CCDC170: variants seen among roughly 807,000 people sequenced by gnomAD.
CCDC170 encodes the protein coiled-coil domain-containing protein 170.
Under a neutral mutation model 72.6 loss-of-function variants are expected in CCDC170, and 69 were observed. That is an observed-to-expected ratio of 0.95 (90% CI 0.78 to 1.16). The LOEUF (loss-of-function observed/expected upper bound fraction) is 1.16, where lower values mean the gene tolerates loss of function less well. CCDC170 is among the 50% of genes most tolerant of loss of function. The pLI, the probability that CCDC170 is intolerant of heterozygous loss-of-function variation, is 0.00. For synonymous variants in CCDC170, 300 were observed against 303.9 expected, an observed-to-expected ratio of 0.99 and a Z score of 0.13; for missense variants, 852 against 832.5, an observed-to-expected ratio of 1.02 and a Z score of -0.29.
intron 5 of CCDC170, among the ~76,000 whole-genome samples, chr6:151,558,327 A>G (rs1263057867): frequency 7.3e-6 from 1 of 136,304 alleles, no homozygotes; most frequent in Non-Finnish European, 1.5e-5. Context: ...GTTTGCAAAT[A>G]TTTTCTCCCA....
At chr6:151,494,879 G>A (rs1394939145) in intron 1 of CCDC170, among the ~76,000 whole-genome samples, 2 of 152,208 alleles carry the variant, frequency 1.3e-5, no homozygotes, top group East Asian at 3.8e-4. Context: ...GGCTCAGTCT[G>A]GGTTAAGAAT....
rs540552285 is a variant in CCDC170, at chr6:151,507,927, A to G, written c.57+13742A>G. ...AGAGTGAGCTCCATCTCAAAAAAAA[A>G]AAAGAAAGAAAGAAAAGAAAACATT... On this transcript the variant is annotated intron_variant, in intron 1 of 10. Coordinates refer to ENST00000239374, the MANE Select transcript of CCDC170 (RefSeq NM_025059.4). Among the ~76,000 whole-genome samples the G allele has an allele frequency of 3.6e-4, 54 of 152,084 alleles. No individual in the cohort carries two copies. The South Asian group carries it at 6.2e-3, about 18-fold the overall frequency.
intron 5 of CCDC170, among the ~76,000 whole-genome samples, chr6:151,551,353 G>C (rs1264718131): frequency 2.0e-5 from 3 of 152,166 alleles, no homozygotes; most frequent in Non-Finnish European, 4.4e-5. Context: ...TGCTGCATCT[G>C]AAAGTTAACT....
At position 151,538,133 on chromosome 6, in the gene CCDC170, C is replaced by G. The variant is rs1412009706; in HGVS notation, c.275C>G (p.Ala92Gly). Residue 92 changes from alanine to glycine, a missense_variant, in exon 3 of 11, where the codon GCC becomes GGC. Ala to Gly is a moderately conservative substitution (Grantham distance 60). Transcript: ENST00000239374. The part of the protein sequence containing the change: ...AEMESYKENN[A>G]RKSSLLTSLR... ...ATGGAGAGCTACAAGGAAAACAATG[C>G]CAGAAAATCATCTCTCCTTACCTCT... 2.5e-6 allele frequency: 4 copies of G among 1,613,624 alleles called. No individual in the cohort carries two copies.
chr6:151,524,441 C>A (rs1158217630), intron 1 of CCDC170, among the ~76,000 whole-genome samples: 4 of 152,304 alleles, frequency 2.6e-5, no homozygotes, highest in East Asian at 1.9e-4. Context: ...ATAAAGAATT[C>A]ATGAACATGG....
intron 6 of CCDC170, among the ~76,000 whole-genome samples, chr6:151,583,560 T>C (rs1025626338): frequency 3.9e-5 from 6 of 152,084 alleles, no homozygotes; most frequent in Admixed American, 3.9e-4. Context: ...CAGGTTCAGG[T>C]GATTCTCCTG....
At chr6:151,567,208 C>T (rs1205159561) in intron 5 of CCDC170, among the ~76,000 whole-genome samples, 3 of 152,118 alleles carry the variant, frequency 2.0e-5, no homozygotes, top group Non-Finnish European at 2.9e-5. Context: ...CGTGAGTCAC[C>T]GTGCCTGACC....
At chr6:151,540,722 C>A (rs1236458966) in intron 3 of CCDC170, among the ~76,000 whole-genome samples, 1 of 151,866 alleles carries the variant, frequency 6.6e-6, no homozygotes, top group East Asian at 1.9e-4. Context: ...ATCTCATTCA[C>A]GAGGTCTCCT....
chr6:151,500,860 T>G (rs1213959830), intron 1 of CCDC170, among the ~76,000 whole-genome samples: 1 of 152,152 alleles, frequency 6.6e-6, no homozygotes. Flanking sequence ...AACATATCTC[T>G]TAGTATTTTG....
chr6:151,572,649 G>GTTTTTTTTTTTTTGTTTTTTTTTTT (rs1776235119), intron 5 of CCDC170, among the ~76,000 whole-genome samples: 1 of 37,984 alleles, frequency 2.6e-5, no homozygotes, highest in African/African-American at 1.2e-4. Flanking sequence ...CCTTCTCTGT[G>GTTTTTTTTTTTTTGTTTTTTTTTTT]TTTTTTTTTT....
intron 5 of CCDC170, among the ~76,000 whole-genome samples, chr6:151,563,639 C>T (rs1776082231): frequency 6.6e-6 from 1 of 152,116 alleles, no homozygotes; most frequent in South Asian, 2.1e-4. Flanking sequence ...AGTCTCAGCT[C>T]AGGTGTGAGG....
chr6:151,495,448 T>TTTC (rs1047001897), intron 1 of CCDC170, among the ~76,000 whole-genome samples: 69 of 152,184 alleles, frequency 4.5e-4, no homozygotes, highest in African/African-American at 1.6e-3. Context: ...ATCATGATTC[T>TTTC]TTCTTTCTCT....
At chr6:151,600,568 G>A (rs1776691364) in intron 9 of CCDC170, among the ~76,000 whole-genome samples, 1 of 151,824 alleles carries the variant, frequency 6.6e-6, no homozygotes, top group South Asian at 2.1e-4. Context: ...TACCTGCAAA[G>A]GCCCTTATCT....
chr6:151,544,550 T>A, intron 3 of CCDC170, 22 bp from the exon 4 acceptor site: 1 of 1,599,756 alleles, frequency 6.3e-7, no homozygotes, highest in Non-Finnish European at 8.6e-7. Context: ...AAATTCTGAC[T>A]TATTTGTTAT....
intron 8 of CCDC170, among the ~76,000 whole-genome samples, chr6:151,595,163 C>T (rs1364696491): frequency 6.6e-6 from 1 of 152,082 alleles, no homozygotes; most frequent in African/African-American, 2.4e-5. Flanking sequence ...TCAGCTTGAA[C>T]ACTTGATAAT....
In CCDC170 at chr6:151,586,142, T is replaced by A. The variant is rs576065048; in HGVS notation, c.1293+53T>A. On this transcript the variant is annotated intron_variant, in intron 7 of 10. Transcript: ENST00000239374. The stretch of plus-strand genomic sequence containing the variant: ...TGGAAGCATCTGTTGTAGTATAAAA[T>A]TTTACCTGAAAATATCCTGAATTTT... 7 of 1,558,138 alleles carry A rather than the reference T, an allele frequency of 4.5e-6. No homozygotes were observed. The African/African-American group carries it at 6.8e-5, about 15-fold the overall frequency.
chr6:151,551,503 A>G (rs1462586111), intron 5 of CCDC170, among the ~76,000 whole-genome samples: 1 of 152,180 alleles, frequency 6.6e-6, no homozygotes, highest in African/African-American at 2.4e-5. Context: ...TTTTGATATT[A>G]GGTTATAAAA....
intron 1 of CCDC170, among the ~76,000 whole-genome samples, chr6:151,519,966 A>G (rs1782293999): frequency 6.6e-6 from 1 of 152,142 alleles, no homozygotes. Flanking sequence ...CTGTTTTATC[A>G]GCAGGGTCTT....
At position 151,538,192 on chromosome 6, in the gene CCDC170, TCAG is replaced by T. The variant is rs1782624977; in HGVS notation, c.340_342del (p.Ala114del). On this transcript the variant is annotated inframe_deletion, in exon 3 of 11. Transcript: ENST00000239374. ...CAGAGTTCAGGAACTAGAAGAAGAA[TCAG>T]CAGCACTTTCCACTTCTAAAATCAG... 6.2e-7 allele frequency: 1 copy of T among 1,613,840 alleles called. No homozygotes were observed. Among genetic ancestry groups the T allele is most frequent in the African/African-American group, 1.3e-5 (1 of 74,900 alleles).
Sources: gnomAD v4.1 joint callset for allele counts (sites outside exome capture counted in the v4.1 genomes callset) on GRCh38, gnomAD v4.1.1 for gene constraint, MANE v1.5 for transcripts, NCBI Gene and HGNC (gene_info 2026-07-23, HGNC 2026-07-21) for gene names.